SEZ6: variants seen among roughly 807,000 people sequenced by gnomAD.
The protein encoded by SEZ6 is seizure related 6 homolog, also known as seizure protein 6 homolog.
SEZ6 carries 53 observed loss-of-function variants against 101.0 expected under a neutral mutation model. The observed-to-expected ratio is 0.52, with a 90% CI of 0.42 to 0.66. The LOEUF (loss-of-function observed/expected upper bound fraction) is 0.66, where lower values mean the gene tolerates loss of function less well. Ranked by LOEUF, SEZ6 falls within the 30% of genes least tolerant of loss-of-function variation. SEZ6 has a pLI of 0.00. For missense variants in SEZ6, 1,102 were observed against 1,289.4 expected (o/e 0.85, Z 2.23); for synonymous variants, 488 against 512.2 (o/e 0.95, Z 0.64).
At chr17:28,965,297 A>G (rs933818020) in intron 4 of SEZ6, among the ~76,000 whole-genome samples, 1 of 152,232 alleles carries the variant, frequency 6.6e-6, no homozygotes, top group Non-Finnish European at 1.5e-5. Context: ...GGTTGCAGTG[A>G]GCCGAGATCG....
At chr17:28,962,722 A>T (rs559585605) in intron 5 of SEZ6, among the ~76,000 whole-genome samples, 90 of 149,774 alleles carry the variant, frequency 6.0e-4, no homozygotes, top group African/African-American at 2.2e-3. Flanking sequence ...TGGAGGTTGC[A>T]GTGAGCGGAC....
At chr17:28,989,445 G>C (rs1245866789) in intron 1 of SEZ6, among the ~76,000 whole-genome samples, 2 of 152,150 alleles carry the variant, frequency 1.3e-5, no homozygotes, top group East Asian at 3.8e-4. Context: ...AATGCAGTCT[G>C]ATTCAAACCT....
intron 1 of SEZ6, among the ~76,000 whole-genome samples, chr17:29,002,802 T>C (rs1183127297): frequency 2.6e-5 from 4 of 152,180 alleles, no homozygotes; most frequent in Admixed American, 6.5e-5. Context: ...CCATTTTAGG[T>C]TAAGGCAGCC....
At chr17:28,980,787 A>C (rs947308655) in intron 2 of SEZ6, among the ~76,000 whole-genome samples, 3 of 152,074 alleles carry the variant, frequency 2.0e-5, no homozygotes, top group Non-Finnish European at 2.9e-5. Flanking sequence ...TACAGGCATG[A>C]GCCACCGTGT....
intron 5 of SEZ6, among the ~76,000 whole-genome samples, chr17:28,962,895 TG>T (rs2041005233): frequency 6.7e-6 from 1 of 148,298 alleles, no homozygotes; most frequent in Non-Finnish European, 1.5e-5. Context: ...GAGGCTGAGG[TG>T]GGTGGATCAC....
At chr17:28,972,824 G>T (rs2152687098) in intron 3 of SEZ6, among the ~76,000 whole-genome samples, 1 of 152,292 alleles carries the variant, frequency 6.6e-6, no homozygotes, top group Non-Finnish European at 1.5e-5. Flanking sequence ...CGGGGGGAGA[G>T]CGAAGGGCTC....
intron 1 of SEZ6, among the ~76,000 whole-genome samples, chr17:28,993,679 G>C (rs1952814578): frequency 6.6e-6 from 1 of 152,154 alleles, no homozygotes; most frequent in African/African-American, 2.4e-5. Flanking sequence ...ACCCAACAAA[G>C]ACAGTCCTTC....
intron 1 of SEZ6, among the ~76,000 whole-genome samples, chr17:28,983,358 GC>G (rs1401945962): frequency 6.6e-6 from 1 of 152,142 alleles, no homozygotes; most frequent in East Asian, 1.9e-4. Flanking sequence ...AATCTAGCAT[GC>G]TACCCACCCA....
At chr17:28,991,616 C>A (rs1479384646) in intron 1 of SEZ6, among the ~76,000 whole-genome samples, 4 of 152,136 alleles carry the variant, frequency 2.6e-5, no homozygotes, top group Non-Finnish European at 5.9e-5. Context: ...GAGGAAGAGC[C>A]CAGGGTGGGG....
intron 1 of SEZ6, among the ~76,000 whole-genome samples, chr17:29,000,643 C>T (rs1456203143): frequency 6.6e-6 from 1 of 152,124 alleles, no homozygotes. Flanking sequence ...CAGAGCTGCT[C>T]CCAAAGATTC....
intron 3 of SEZ6, among the ~76,000 whole-genome samples, chr17:28,973,623 TC>T (rs1249982024): frequency 1.3e-5 from 2 of 152,044 alleles, no homozygotes; most frequent in Admixed American, 6.6e-5. Flanking sequence ...GCAGCTCTGG[TC>T]CCCTGGGTTT....
At position 28,957,191 on chromosome 17, in the gene SEZ6, C is replaced by T. The variant is rs376572568; in HGVS notation, c.2546G>A (p.Arg849Gln). ...HGLSAPENGARSPEKQLHPAG... is the reference protein window; with the variant it reads ...HGLSAPENGAQSPEKQLHPAG... ...TGGGTGTAGCTGCTTCTCAGGACTT[C>T]GGGCACCATTCTCAGGGGCACTGAG... is the stretch of plus-strand genomic sequence containing the variant. Residue 849 changes from arginine to glutamine, a missense_variant, in exon 13 of 17, where the codon CGA becomes CAA. This residue lies in a region of SEZ6 where 556 missense variants were observed against 735.1 expected (regional missense o/e 0.76). Transcript: ENST00000317338. The T allele has an allele frequency of 2.1e-5, 34 of 1,613,884 alleles. No individual in the cohort carries two copies. The highest frequency in any genetic ancestry group is 3.3e-5 in the South Asian group (3 of 91,088).
rs1416644235 is a variant in SEZ6 at position 28,959,316 on chromosome 17, G to C, written c.1910+18C>G. Reference sequence around the variant, plus strand: ...CAGACCTCAGGAGTTGGCTCGGCCTGACCCGGTAGGCACTCACACTCGGAT... The same window carrying C: ...CAGACCTCAGGAGTTGGCTCGGCCTCACCCGGTAGGCACTCACACTCGGAT... On this transcript the variant is annotated intron_variant, in intron 9 of 16. Transcript: ENST00000317338. The surrounding 1 kb of genome is among the most constrained non-coding windows in gnomAD (Gnocchi z 4.4). The C allele has an allele frequency of 6.2e-7, 1 of 1,613,962 alleles. No individual in the cohort carries two copies. Among genetic ancestry groups the C allele is most frequent in the Non-Finnish European group, 8.5e-7 (1 of 1,179,874 alleles).
chr17:28,986,079 G>A (rs1268282445), intron 1 of SEZ6, among the ~76,000 whole-genome samples: 1 of 152,218 alleles, frequency 6.6e-6, no homozygotes, highest in Non-Finnish European at 1.5e-5. Context: ...GCCCTGGCAT[G>A]GCCCCGCCGC....
intron 3 of SEZ6, among the ~76,000 whole-genome samples, chr17:28,973,418 C>T (rs1174176934): frequency 6.6e-6 from 1 of 152,220 alleles, no homozygotes; most frequent in Non-Finnish European, 1.5e-5. Flanking sequence ...CCACCAGCCA[C>T]CCTTGCTCCT....
At position 28,960,910 on chromosome 17, in the gene SEZ6, C is replaced by T; in HGVS notation, c.1304G>A (p.Gly435Asp). The change falls in exon 6 of 17, where the codon GGC (glycine) becomes GAC (aspartate). Residue 435 changes from glycine to aspartate, a missense_variant. Physicochemically the swap from Gly to Asp is moderately conservative, Grantham distance 94. Around this residue, in one of 3 missense-constraint regions of SEZ6, gnomAD observed 556 missense variants for 735.1 expected, o/e 0.76. Transcript: ENST00000317338. ...ACAGGTGAGGTTGTTGCTGTAGTTG[C>T]CCGGGAAGCCTGGAGAGACGATGCG... The part of the protein sequence containing the change: ...TGRIVSPGFP[G>D]NYSNNLTCHW... The T allele has an allele frequency of 6.2e-7, 1 of 1,613,916 alleles. No individual in the cohort carries two copies. Among genetic ancestry groups the T allele is most frequent in the Non-Finnish European group, 8.5e-7 (1 of 1,179,846 alleles).
chr17:28,973,028 CT>C (rs2041175639), intron 3 of SEZ6, among the ~76,000 whole-genome samples: 1 of 152,220 alleles, frequency 6.6e-6, no homozygotes, highest in Non-Finnish European at 1.5e-5. Flanking sequence ...CCTCTAGCTT[CT>C]TTTTCCTGAT....
intron 1 of SEZ6, among the ~76,000 whole-genome samples, chr17:29,004,823 G>A (rs995122035): frequency 6.6e-6 from 1 of 152,154 alleles, no homozygotes; most frequent in African/African-American, 2.4e-5. Context: ...AGCCAGGACG[G>A]CAGGTCCAGA....
chr17:29,003,732 C>T (rs924521767), intron 1 of SEZ6, among the ~76,000 whole-genome samples: 1 of 152,240 alleles, frequency 6.6e-6, no homozygotes, highest in Admixed American at 6.5e-5. Context: ...CTCTGACATC[C>T]CAGCCCTCTC....
Sources: allele counts gnomAD v4.1 joint callset (sites outside exome capture counted in the v4.1 genomes callset), GRCh38; gene constraint gnomAD v4.1.1; regional missense constraint gnomAD v4.1.1; non-coding constraint Gnocchi (gnomAD v3.1); transcripts MANE v1.5; gene names NCBI Gene and HGNC (gene_info 2026-07-23, HGNC 2026-07-21).